NEGR1: variants seen among roughly 807,000 people sequenced by gnomAD.
The protein encoded by NEGR1 is neuronal growth regulator 1.
NEGR1 carries 10 observed loss-of-function variants against 40.9 expected under a neutral mutation model. The ratio of observed to expected loss-of-function variants is 0.24; its 90% confidence interval spans 0.15 to 0.42. The LOEUF is 0.42. NEGR1 is among the 10% of genes least tolerant of loss of function. The pLI is 1.00. For missense variants in NEGR1, 352 were observed against 438.9 expected (o/e 0.80, Z 1.77); for synonymous variants, 185 against 166.8 (o/e 1.11, Z -0.84).
intron 2 of NEGR1, among the ~76,000 whole-genome samples, chr1:71,778,830 T>C (rs943761625): frequency 6.6e-6 from 1 of 152,208 alleles, no homozygotes; most frequent in Non-Finnish European, 1.5e-5. Context: ...TTTACACATC[T>C]ACATATATTT....
chr1:72,040,366 C>T (rs1489140972), intron 1 of NEGR1, among the ~76,000 whole-genome samples: 1 of 151,494 alleles, frequency 6.6e-6, no homozygotes, highest in Non-Finnish European at 1.5e-5. Flanking sequence ...TAGAATGAAC[C>T]ATTCTACAGT....
rs1646250053 is a variant in NEGR1 at position 71,402,050 on chromosome 1, G to T, written c.*5396C>A. 1 of 151,932 alleles carries T rather than the reference G, an allele frequency of 6.6e-6. No homozygotes were observed. Among genetic ancestry groups the T allele is most frequent in the African/African-American group, 2.4e-5 (1 of 41,366 alleles). 9.4% of individuals were successfully genotyped at this position (151,932 alleles called of 1,614,324 possible). ...TATAAATAAAAATATGCAAATAGTT[G>T]TCTATGAAGCTAGCAATGTGATTAT... is the stretch of plus-strand genomic sequence containing the variant. On this transcript the variant is annotated 3_prime_UTR_variant, in exon 7 of 7. Transcript: ENST00000357731.
At chr1:71,432,911 T>G (rs1646479263) in intron 6 of NEGR1, among the ~76,000 whole-genome samples, 1 of 152,240 alleles carries the variant, frequency 6.6e-6, no homozygotes, top group Non-Finnish European at 1.5e-5. Context: ...TATGTCTTTT[T>G]TCTTATTAAT....
At position 71,848,348 on chromosome 1, in the gene NEGR1, T is replaced by G. The variant is rs551552202; in HGVS notation, c.410-72051A>C. The stretch of plus-strand genomic sequence containing the variant: ...AACAGCCTTATATTGGAAGATGTCA[T>G]CTAGGATATTCATAGCTAGAGAGGT... On this transcript the variant is annotated intron_variant, in intron 2 of 6. Transcript: ENST00000357731. Among the ~76,000 whole-genome samples, 3 of 152,304 alleles carry G rather than the reference T, an allele frequency of 2.0e-5. No homozygotes were observed. In the South Asian group the frequency reaches 6.2e-4, roughly 32 times the overall value.
At chr1:71,591,146 A>G (rs1649484873) in intron 6 of NEGR1, among the ~76,000 whole-genome samples, 1 of 152,172 alleles carries the variant, frequency 6.6e-6, no homozygotes, top group Non-Finnish European at 1.5e-5. Context: ...AATTACAGAC[A>G]AGATTTTCAC....
chr1:71,424,793 T>C (rs755366910), intron 6 of NEGR1, among the ~76,000 whole-genome samples: 1 of 152,062 alleles, frequency 6.6e-6, no homozygotes, highest in East Asian at 1.9e-4. Flanking sequence ...CCTCAGTCCT[T>C]CCACCACAAG....
chr1:71,756,897 A>T (rs566407619), intron 3 of NEGR1, among the ~76,000 whole-genome samples: 1 of 152,230 alleles, frequency 6.6e-6, no homozygotes, highest in African/African-American at 2.4e-5. Flanking sequence ...CCTCAAAAAC[A>T]AAATTGTTTA....
chr1:72,138,329 C>A (rs1340519962), intron 1 of NEGR1, among the ~76,000 whole-genome samples: 3 of 151,646 alleles, frequency 2.0e-5, no homozygotes, highest in African/African-American at 7.3e-5. Flanking sequence ...ACAAAGAGGA[C>A]AAATGAAAAC....
At chr1:71,997,410 C>T (rs548620597) in intron 1 of NEGR1, among the ~76,000 whole-genome samples, 1 of 151,998 alleles carries the variant, frequency 6.6e-6, no homozygotes, top group African/African-American at 2.4e-5. Context: ...AATGCCCTTT[C>T]CCCAAAACGT....
At chr1:72,050,492 G>T (rs180817339) in intron 1 of NEGR1, among the ~76,000 whole-genome samples, 28 of 151,556 alleles carry the variant, frequency 1.8e-4, no homozygotes, top group African/African-American at 5.6e-4. Flanking sequence ...TTAAAGAATT[G>T]CTTTATTCTC....
chr1:71,816,923 CT>C (rs1448952853), intron 2 of NEGR1, among the ~76,000 whole-genome samples: 3 of 143,668 alleles, frequency 2.1e-5, no homozygotes, highest in East Asian at 2.1e-4. Flanking sequence ...CTGTCACTTC[CT>C]TTTTTTCTCT....
At chr1:71,756,655 A>T (rs1337841945) in intron 3 of NEGR1, among the ~76,000 whole-genome samples, 1 of 152,002 alleles carries the variant, frequency 6.6e-6, no homozygotes, top group East Asian at 1.9e-4. Flanking sequence ...ATTGAATTGA[A>T]TTTGCTCCTG....
At chr1:71,611,686 G>A (rs986812025) in intron 4 of NEGR1, among the ~76,000 whole-genome samples, 1 of 152,138 alleles carries the variant, frequency 6.6e-6, no homozygotes, top group East Asian at 1.9e-4. Context: ...TCAAAGCCTG[G>A]GCTCTTGAAA....
chr1:71,432,068 G>A (rs1220324207), intron 6 of NEGR1, among the ~76,000 whole-genome samples: 2 of 152,118 alleles, frequency 1.3e-5, no homozygotes, highest in African/African-American at 4.8e-5. Flanking sequence ...CGTAGATCAA[G>A]GGACAAGATC....
chr1:71,897,446 G>C (rs2786851), intron 2 of NEGR1, among the ~76,000 whole-genome samples: 4,691 of 152,230 alleles, frequency 0.031, 241 homozygotes, highest in African/African-American at 0.11. Flanking sequence ...CCCTGCAAAA[G>C]GAGAAGTGTG....
chr1:71,701,172 A>C (rs988822885), intron 3 of NEGR1, among the ~76,000 whole-genome samples: 11 of 152,036 alleles, frequency 7.2e-5, no homozygotes, highest in African/African-American at 2.7e-4. Context: ...GTTTGTGGTA[A>C]TTGGTTATAG....
intron 6 of NEGR1, among the ~76,000 whole-genome samples, chr1:71,569,222 G>A (rs947558725): frequency 1.3e-5 from 2 of 151,994 alleles, no homozygotes; most frequent in Admixed American, 1.3e-4. Flanking sequence ...GGCCAGCAAG[G>A]ATCCTTTTTA....
chr1:72,009,166 T>A (rs1646635320), intron 1 of NEGR1, among the ~76,000 whole-genome samples: 1 of 152,080 alleles, frequency 6.6e-6, no homozygotes, highest in Non-Finnish European at 1.5e-5. Context: ...TTATATGATA[T>A]CATCATGTAG....
At chr1:71,881,164 G>C (rs1432965871) in intron 2 of NEGR1, among the ~76,000 whole-genome samples, 2 of 151,946 alleles carry the variant, frequency 1.3e-5, no homozygotes, top group Admixed American at 6.6e-5. Flanking sequence ...AACTCTTCTA[G>C]AAATTACACA....
Sources: allele counts gnomAD v4.1 joint callset (sites outside exome capture counted in the v4.1 genomes callset), GRCh38; gene constraint gnomAD v4.1.1; transcripts MANE v1.5; gene names NCBI Gene and HGNC (gene_info 2026-07-23, HGNC 2026-07-21).